DNMT3A: variants seen among roughly 807,000 people sequenced by gnomAD.
DNMT3A encodes the protein DNA methyltransferase 3 alpha.
A neutral mutation model predicts 117.6 loss-of-function variants in DNMT3A; 267 were observed. The ratio of observed to expected loss-of-function variants is 2.27; its 90% confidence interval spans 2.05 to 2.51. The LOEUF (loss-of-function observed/expected upper bound fraction) is 2.51. Among genes scored for constraint, DNMT3A ranks in the 30% most tolerant of loss-of-function variants. The pLI, the probability that DNMT3A is intolerant of heterozygous loss-of-function variation, is 0.00. For synonymous variants in DNMT3A, 432 were observed against 474.8 expected (o/e 0.91, Z 1.17); for missense variants, 1,029 against 1,260.2 (o/e 0.82, Z 2.78).
intron 2 of DNMT3A, among the ~76,000 whole-genome samples, chr2:25,307,863 T>C (rs1216507000): frequency 6.6e-6 from 1 of 152,184 alleles, no homozygotes; most frequent in African/African-American, 2.4e-5. Context: ...AACCCGGCCA[T>C]TAAGAGCAGG....
At chr2:25,239,048 C>T (rs906867414) in intron 20 of DNMT3A, 82 bp downstream of exon 20, 43 of 1,273,392 alleles carry the variant, frequency 3.4e-5, no homozygotes, top group African/African-American at 5.9e-5. Context: ...AGAGAGGGCC[C>T]GGCTCAGGGG....
chr2:25,249,756 GCT>G, intron 6 of DNMT3A: 1 of 1,611,818 alleles, frequency 6.2e-7, no homozygotes, highest in African/African-American at 1.3e-5. Flanking sequence ...TTGATACTTA[GCT>G]CTGAGAACCA....
chr2:25,258,120 G>A (rs559302425), intron 6 of DNMT3A, among the ~76,000 whole-genome samples: 8 of 152,256 alleles, frequency 5.3e-5, no homozygotes, highest in Non-Finnish European at 1.2e-4. Flanking sequence ...CCCTGTGGTA[G>A]AATGTGGAAG....
At chr2:25,323,314 G>C (rs1370750118) in intron 1 of DNMT3A, among the ~76,000 whole-genome samples, 2 of 152,194 alleles carry the variant, frequency 1.3e-5, no homozygotes, top group African/African-American at 4.8e-5. Context: ...CCCTGGTCTT[G>C]CTGTTCCTGG....
At chr2:25,295,749 G>C (rs1457256844) in intron 3 of DNMT3A, among the ~76,000 whole-genome samples, 1 of 152,174 alleles carries the variant, frequency 6.6e-6, no homozygotes, top group Non-Finnish European at 1.5e-5. Context: ...CTGAATGTGG[G>C]GATAATGAAA....
rs1196312410 is a variant in DNMT3A at position 25,234,866 on chromosome 2, A to G, written c.2598-446T>C. Among the ~76,000 whole-genome samples the G allele has an allele frequency of 2.6e-5, 4 of 152,148 alleles. No homozygotes were observed. Among genetic ancestry groups the G allele is most frequent in the African/African-American group, 7.2e-5 (3 of 41,432 alleles). ...CTCCCCATCAAGAGCAGGGAAGGCG[A>G]AAAAGGAGCCGAACTCCTGCCTGAC... is the stretch of plus-strand genomic sequence containing the variant. On this transcript the variant is annotated intron_variant, in intron 22 of 22. Coordinates refer to ENST00000321117, the MANE Select transcript of DNMT3A (RefSeq NM_022552.5). The surrounding 1 kb of genome is among the most constrained non-coding windows in gnomAD (Gnocchi z 4.5).
chr2:25,235,586 AC>A, intron 22 of DNMT3A, 120 bp downstream of exon 22: 1 of 759,276 alleles, frequency 1.3e-6, no homozygotes, highest in Non-Finnish European at 2.2e-6. Context: ...GCTTGATAAA[AC>A]CCACTGTTCC....
Position 25,305,141 on chromosome 2 carries a change from G to A in DNMT3A, c.73-4898C>T, listed in dbSNP as rs1298396013. Among the ~76,000 whole-genome samples, 1 of 152,188 alleles carries A rather than the reference G, an allele frequency of 6.6e-6. No homozygotes were observed. Among genetic ancestry groups the A allele is most frequent in the Non-Finnish European group, 1.5e-5 (1 of 68,036 alleles). On this transcript the variant is annotated intron_variant, in intron 2 of 22. Transcript: ENST00000321117. This position sits in a 1 kb window ranked among gnomAD's most constrained non-coding sequence, Gnocchi z 4.1. ...GACACACGTACAAATCTACAAACCC[G>A]TACAAATACAACTGTGTACGAGGTT...
At chr2:25,256,675 C>T (rs1676164435) in intron 6 of DNMT3A, among the ~76,000 whole-genome samples, 1 of 152,016 alleles carries the variant, frequency 6.6e-6, no homozygotes, top group Admixed American at 6.6e-5. Context: ...CTTATCCTCC[C>T]CTTCTGTCCC....
In DNMT3A at chr2:25,294,256, C is replaced by T. The variant is rs112945547; in HGVS notation, c.177+5883G>A. On this transcript the variant is annotated intron_variant, in intron 3 of 22. Transcript: ENST00000321117. The surrounding 1 kb of genome is among the most constrained non-coding windows in gnomAD (Gnocchi z 4.7). ...CTTAAGTCCCCACCATGGGCTAGGC[C>T]CTTCCATGCAGCACTCCAGTAGCGG... 0.027 allele frequency among the ~76,000 whole-genome samples: 4,061 copies of T among 152,316 alleles called. 183 individuals are homozygous for T. The highest frequency in any genetic ancestry group is 0.093 in the African/African-American group (3,853 of 41,554).
chr2:25,261,497 C>CTTGGGAGG (rs1049539059), intron 6 of DNMT3A, among the ~76,000 whole-genome samples: 2 of 130,620 alleles, frequency 1.5e-5, no homozygotes, highest in Non-Finnish European at 3.2e-5. Flanking sequence ...ATCCCAGCTA[C>CTTGGGAGG]TTGGGAGGCT....
rs775429193 is a variant in DNMT3A, at chr2:25,239,116, G to A, written c.2408+14C>T. On this transcript the variant is annotated intron_variant, in intron 20 of 22. Transcript: ENST00000321117. Reference sequence around the variant, plus strand: ...CCAGCCCACAGCCCCCCAGGCCCAGGAGCTTTCACCAACCTGTTCATACCG... The same window carrying A: ...CCAGCCCACAGCCCCCCAGGCCCAGAAGCTTTCACCAACCTGTTCATACCG... 6.8e-6 allele frequency: 11 copies of A among 1,613,238 alleles called. No homozygotes were observed. In the East Asian group the frequency reaches 2.0e-4, roughly 29 times the overall value.
chr2:25,329,587 C>T (rs2034930250), intron 1 of DNMT3A, among the ~76,000 whole-genome samples: 1 of 151,868 alleles, frequency 6.6e-6, no homozygotes, highest in Non-Finnish European at 1.5e-5. Flanking sequence ...AGCCCAGGCC[C>T]CGTGCCACTA....
At position 25,337,409 on chromosome 2, in the gene DNMT3A, G is replaced by A. The variant is rs1461668152; in HGVS notation, c.-178+4417C>T. Among the ~76,000 whole-genome samples the A allele has an allele frequency of 1.3e-5, 2 of 152,206 alleles. No individual in the cohort carries two copies. Among genetic ancestry groups the A allele is most frequent in the East Asian group, 3.8e-4 (2 of 5,204 alleles). On this transcript the variant is annotated intron_variant, in intron 1 of 22. Coordinates refer to ENST00000321117, the MANE Select transcript of DNMT3A (RefSeq NM_022552.5). This position sits in a 1 kb window ranked among gnomAD's most constrained non-coding sequence, Gnocchi z 5.0. ...GGAGGGCTCCCGCTCCTCTAAGGCTGTAACGCACATGATCTCACTCCATCC... is the reference window on the plus strand; with the variant it reads ...GGAGGGCTCCCGCTCCTCTAAGGCTATAACGCACATGATCTCACTCCATCC...
At chr2:25,261,310 G>A (rs1297847189) in intron 6 of DNMT3A, among the ~76,000 whole-genome samples, 2 of 152,048 alleles carry the variant, frequency 1.3e-5, no homozygotes, top group African/African-American at 2.4e-5. Flanking sequence ...ATGGTGGCGT[G>A]TGCCTATAGT....
chr2:25,269,487 G>A (rs1043252837), intron 6 of DNMT3A, among the ~76,000 whole-genome samples: 3 of 152,210 alleles, frequency 2.0e-5, no homozygotes, highest in Admixed American at 6.5e-5. Context: ...ACGATGACAG[G>A]AAGGAAGGAA....
chr2:25,314,555 G>C (rs1332092068), intron 1 of DNMT3A: 2 of 980,558 alleles, frequency 2.0e-6, no homozygotes, highest in Non-Finnish European at 2.4e-6. Flanking sequence ...GCCCAGCTAC[G>C]TTTTCCTTCT....
At chr2:25,325,313 G>A (rs941572955) in intron 1 of DNMT3A, among the ~76,000 whole-genome samples, 3 of 152,166 alleles carry the variant, frequency 2.0e-5, no homozygotes, top group Non-Finnish European at 2.9e-5. Flanking sequence ...GGCTTCCCAC[G>A]GCCTGGGAGT....
At chr2:25,317,686 G>A (rs1188839303) in intron 1 of DNMT3A, among the ~76,000 whole-genome samples, 1 of 152,198 alleles carries the variant, frequency 6.6e-6, no homozygotes, top group Non-Finnish European at 1.5e-5. Context: ...GAGTCACTTG[G>A]CACAGCTGAA....
Sources: allele counts gnomAD v4.1 joint callset (sites outside exome capture counted in the v4.1 genomes callset), GRCh38; gene constraint gnomAD v4.1.1; non-coding constraint Gnocchi (gnomAD v3.1); transcripts MANE v1.5; gene names NCBI Gene and HGNC (gene_info 2026-07-23, HGNC 2026-07-21).